TNR: variants seen among roughly 807,000 people sequenced by gnomAD.
TNR encodes tenascin R, also known as tenascin-R.
TNR carries 45 observed loss-of-function variants against 150.4 expected under a neutral mutation model. The ratio of observed to expected loss-of-function variants is 0.30; its 90% CI spans 0.24 to 0.38. TNR has a LOEUF of 0.38. TNR is among the 10% of genes least tolerant of loss of function. The pLI is 1.00. For missense variants in TNR, 1,544 were observed against 1,759.1 expected, an observed-to-expected ratio of 0.88 and a Z score of 2.19; for synonymous variants, 687 against 678.4, an observed-to-expected ratio of 1.01 and a Z score of -0.20.
At chr1:175,369,365 G>T (rs1651986406) in intron 9 of TNR, among the ~76,000 whole-genome samples, 2 of 152,184 alleles carry the variant, frequency 1.3e-5, no homozygotes, top group South Asian at 4.1e-4. Context: ...GGTTCTGGTG[G>T]TTGCCAGCAC....
chr1:175,517,214 T>A (rs556650129), intron 2 of TNR, among the ~76,000 whole-genome samples: 1 of 152,272 alleles, frequency 6.6e-6, no homozygotes, highest in South Asian at 2.1e-4. Context: ...CACATATGCT[T>A]CAGCTCCTGT....
At chr1:175,705,805 T>G (rs1448830231) in intron 1 of TNR, among the ~76,000 whole-genome samples, 2 of 152,192 alleles carry the variant, frequency 1.3e-5, no homozygotes, top group African/African-American at 4.8e-5. Flanking sequence ...TGCCCCAAGA[T>G]TATAACTTTT....
At chr1:175,682,510 T>A (rs1666066072) in intron 1 of TNR, among the ~76,000 whole-genome samples, 1 of 152,130 alleles carries the variant, frequency 6.6e-6, no homozygotes, top group African/African-American at 2.4e-5. Context: ...ACATTCTACT[T>A]TATATTCAGT....
intron 1 of TNR, among the ~76,000 whole-genome samples, chr1:175,560,087 C>A (rs1661361674): frequency 6.6e-6 from 1 of 152,184 alleles, no homozygotes; most frequent in Non-Finnish European, 1.5e-5. Context: ...AGACAGTAAA[C>A]CTTAAGTGTT....
At chr1:175,392,543 C>A (rs1288991267) in intron 6 of TNR, among the ~76,000 whole-genome samples, 1 of 152,200 alleles carries the variant, frequency 6.6e-6, no homozygotes, top group Non-Finnish European at 1.5e-5. Context: ...ACATTGGTAG[C>A]AATGTTCCAT....
intron 4 of TNR, among the ~76,000 whole-genome samples, chr1:175,397,509 T>G (rs1653489422): frequency 6.6e-6 from 1 of 152,212 alleles, no homozygotes; most frequent in Non-Finnish European, 1.5e-5. Flanking sequence ...AATATCTGAT[T>G]TGGCAAGTGG....
At chr1:175,541,120 C>T (rs557166487) in intron 1 of TNR, among the ~76,000 whole-genome samples, 8 of 152,296 alleles carry the variant, frequency 5.3e-5, no homozygotes, top group African/African-American at 7.2e-5. Flanking sequence ...TCACCTCCTC[C>T]GAGAAGACGT....
chr1:175,604,697 G>A (rs114499922), intron 1 of TNR, among the ~76,000 whole-genome samples: 363 of 152,220 alleles, frequency 2.4e-3, no homozygotes, highest in African/African-American at 8.2e-3. Context: ...AGTCTGTTTT[G>A]TGTACAAATG....
chr1:175,555,661 T>C (rs895470769), intron 1 of TNR, among the ~76,000 whole-genome samples: 3 of 152,188 alleles, frequency 2.0e-5, no homozygotes, highest in Non-Finnish European at 2.9e-5. Context: ...GGGTATTTGG[T>C]CTCAAACCCA....
At chr1:175,494,437 C>A (rs1034734828) in intron 2 of TNR, among the ~76,000 whole-genome samples, 1 of 152,314 alleles carries the variant, frequency 6.6e-6, no homozygotes. Context: ...GGCATGGGAG[C>A]AAAAGCATTG....
intron 1 of TNR, among the ~76,000 whole-genome samples, chr1:175,729,876 A>G (rs990294215): frequency 1.3e-5 from 2 of 152,158 alleles, no homozygotes; most frequent in African/African-American, 4.8e-5. Context: ...TCACTCTCGG[A>G]CTTGGAGATC....
intron 1 of TNR, among the ~76,000 whole-genome samples, chr1:175,669,685 C>A (rs1342970822): frequency 6.6e-6 from 1 of 152,182 alleles, no homozygotes; most frequent in East Asian, 1.9e-4. Context: ...TCTGTGTGGG[C>A]AGAGAGGAAA....
chr1:175,437,209 C>A (rs570425435), intron 2 of TNR, among the ~76,000 whole-genome samples: 1 of 152,290 alleles, frequency 6.6e-6, no homozygotes, highest in South Asian at 2.1e-4. Flanking sequence ...AACTAGAACT[C>A]AGGATTAAGA....
intron 18 of TNR, among the ~76,000 whole-genome samples, chr1:175,343,224 C>G (rs774397264): frequency 6.6e-6 from 1 of 152,164 alleles, no homozygotes; most frequent in Non-Finnish European, 1.5e-5. Context: ...CTGTACGCTC[C>G]GTCTCTGTCC....
At chr1:175,484,120 T>C (rs1160112073) in intron 2 of TNR, among the ~76,000 whole-genome samples, 1 of 152,226 alleles carries the variant, frequency 6.6e-6, no homozygotes, top group Non-Finnish European at 1.5e-5. Context: ...AATTGTTCAA[T>C]TGTATGAATG....
chr1:175,531,526 C>T (rs1478675195), intron 1 of TNR, among the ~76,000 whole-genome samples: 1 of 152,132 alleles, frequency 6.6e-6, no homozygotes, highest in Non-Finnish European at 1.5e-5. Flanking sequence ...GGTCCCAAAT[C>T]CTTTTAGCTT....
intron 2 of TNR, among the ~76,000 whole-genome samples, chr1:175,422,320 CT>C (rs71565438): frequency 0.12 from 18,899 of 152,222 alleles, 1,263 homozygotes; most frequent in South Asian, 0.16. Context: ...ATCTAGTTAT[CT>C]TTTATCGCAG....
chr1:175,594,330 G>T (rs1395386761), intron 1 of TNR, among the ~76,000 whole-genome samples: 2 of 151,958 alleles, frequency 1.3e-5, no homozygotes, highest in African/African-American at 4.8e-5. Flanking sequence ...TTTGCTTTTG[G>T]ACTTGCTGTT....
chr1:175,671,182 TG>T (rs961490167), intron 1 of TNR, among the ~76,000 whole-genome samples: 2 of 151,944 alleles, frequency 1.3e-5, no homozygotes, highest in African/African-American at 2.4e-5. Context: ...GGTGCAGGCT[TG>T]GGGGAAAGAC....
Sources: allele counts gnomAD v4.1 joint callset (sites outside exome capture counted in the v4.1 genomes callset), GRCh38; gene constraint gnomAD v4.1.1; transcripts MANE v1.5; gene names NCBI Gene and HGNC (gene_info 2026-07-23, HGNC 2026-07-21).